Variants in PON3 observed in about 807,000 individuals in gnomAD.
PON3 encodes serum paraoxonase/lactonase 3.
PON3 carries 37 observed loss-of-function variants against 36.3 expected under a neutral mutation model. That is an observed-to-expected ratio of 1.02 (90% CI 0.78 to 1.34). PON3 has a LOEUF of 1.34. Ranked by LOEUF, PON3 falls within the 40% of genes most tolerant of loss-of-function variation. The pLI is 0.00. For synonymous variants in PON3, 155 were observed against 154.8 expected (o/e 1.00, Z -0.01); for missense variants, 415 against 426.5 (o/e 0.97, Z 0.24).
chr7:95,365,673 T>C (rs1040351920), intron 5 of PON3: 1 of 152,166 alleles, frequency 6.6e-6, no homozygotes, highest in Non-Finnish European at 1.5e-5. Flanking sequence ...ACACCAGAAA[T>C]GTATTGCCTC....
At position 95,390,102 on chromosome 7, in the gene PON3, C is replaced by G. The variant is rs957880104; in HGVS notation, c.201+52G>C. ...AGCTCCAGAGGACAACATTAATGCA[C>G]TGTCTATACAGCTATTGATGTGAGC... On this transcript the variant is annotated intron_variant, in intron 3 of 8. Transcript: ENST00000265627. The G allele has an allele frequency of 2.0e-6, 3 of 1,511,006 alleles. No individual in the cohort carries two copies. The Admixed American group carries it at 5.0e-5, about 25-fold the overall frequency. 93.6% of individuals were successfully genotyped at this position (1,511,006 alleles called of 1,614,324 possible). A position where few individuals can be genotyped will look rare whatever the true frequency, so the allele number is the denominator to read the frequency against.
At chr7:95,362,524 C>A (rs1157123773) in intron 7 of PON3, 34 bp from the exon 8 acceptor site, 3 of 1,612,654 alleles carry the variant, frequency 1.9e-6, no homozygotes, top group African/African-American at 2.7e-5. Context: ...AAGACATTGT[C>A]TCAATGATTC....
rs530566162 is a variant in PON3 at position 95,383,116 on chromosome 7, A to C, written c.201+7038T>G. Among the ~76,000 whole-genome samples, 158 of 152,328 alleles carry C rather than the reference A, an allele frequency of 1.0e-3. 10 individuals are homozygous for C. In the South Asian group the frequency reaches 0.032, roughly 31 times the overall value. ...AAGATAAAAACCACATGATTATCTC[A>C]CTAGATGCAGAAAAGGCCTTCGACA... On this transcript the variant is annotated intron_variant, in intron 3 of 8. Coordinates refer to ENST00000265627, the MANE Select transcript of PON3 (RefSeq NM_000940.3).
At chr7:95,372,742 C>T (rs1389237128) in intron 3 of PON3, among the ~76,000 whole-genome samples, 1 of 152,072 alleles carries the variant, frequency 6.6e-6, no homozygotes, top group Non-Finnish European at 1.5e-5. Context: ...CTATAACTAA[C>T]CTTCCTCAAA....
At chr7:95,380,331 A>T (rs942734082) in intron 3 of PON3, among the ~76,000 whole-genome samples, 1 of 152,238 alleles carries the variant, frequency 6.6e-6, no homozygotes, top group Non-Finnish European at 1.5e-5. Flanking sequence ...CCTCACCAGC[A>T]ATGGAACAAA....
At chr7:95,393,954 C>T (rs923524578) in intron 2 of PON3, among the ~76,000 whole-genome samples, 4 of 151,942 alleles carry the variant, frequency 2.6e-5, no homozygotes, top group Admixed American at 6.6e-5. Flanking sequence ...AGTACAGTGG[C>T]GCGATCTCAG....
At chr7:95,361,024 G>A (rs7778771) in intron 8 of PON3, among the ~76,000 whole-genome samples, 4,250 of 152,106 alleles carry the variant, frequency 0.028, 113 homozygotes, top group African/African-American at 0.068. Flanking sequence ...ATAGAGATAC[G>A]AAAAAGATCC....
intron 3 of PON3, among the ~76,000 whole-genome samples, chr7:95,388,229 T>G (rs1349343730): frequency 6.6e-6 from 1 of 151,970 alleles, no homozygotes; most frequent in East Asian, 1.9e-4. Context: ...ACAAGGAACT[T>G]AAACAAATTT....
Position 95,363,882 on chromosome 7 carries a change from T to C in PON3, c.676A>G (p.Thr226Ala), listed in dbSNP as rs751009929. 3.1e-6 allele frequency: 5 copies of C among 1,613,626 alleles called. No homozygotes were observed. Among genetic ancestry groups the C allele is most frequent in the Admixed American group, 1.7e-5 (1 of 60,006 alleles). Reference sequence around the variant, plus strand: ...GCTTACTTCTGGTCTGCTGAGACTGTGATCCCATTGGCACTACAAAATCCT... The same window carrying C: ...GCTTACTTCTGGTCTGCTGAGACTGCGATCCCATTGGCACTACAAAATCCT... The part of the protein sequence containing the change: ...AKGFCSANGI[T>A]VSADQKYVYV... The change falls in exon 6 of 9, where the codon ACA (threonine) becomes GCA (alanine). Residue 226 changes from threonine to alanine, a missense_variant. Coordinates refer to ENST00000265627, the MANE Select transcript of PON3 (RefSeq NM_000940.3).
chr7:95,376,896 T>A (rs17879129), intron 3 of PON3, among the ~76,000 whole-genome samples: 4,249 of 152,296 alleles, frequency 0.028, 115 homozygotes, highest in African/African-American at 0.068. Flanking sequence ...TGGGACTGGT[T>A]GGACAGTGGG....
chr7:95,381,640 C>G (rs964279723), intron 3 of PON3, among the ~76,000 whole-genome samples: 1 of 152,136 alleles, frequency 6.6e-6, no homozygotes. Flanking sequence ...ATCAATTCAA[C>G]GAGAAGAGCT....
At chr7:95,395,082 C>G (rs369030801) in intron 1 of PON3, among the ~76,000 whole-genome samples, 75 of 152,332 alleles carry the variant, frequency 4.9e-4, no homozygotes, top group African/African-American at 1.7e-3. Context: ...TAAATCTGCA[C>G]TTAATCCCCT....
chr7:95,370,819 C>T (rs1409554911), intron 4 of PON3, among the ~76,000 whole-genome samples: 1 of 152,198 alleles, frequency 6.6e-6, no homozygotes, highest in Non-Finnish European at 1.5e-5. Flanking sequence ...AATTCACACA[C>T]CACTGAATTC....
chr7:95,364,211 G>GA (rs1808642070), intron 5 of PON3, 148 bp from the exon 6 acceptor site: 4 of 692,290 alleles, frequency 5.8e-6, no homozygotes, highest in Non-Finnish European at 1.0e-5. Flanking sequence ...GAATTCCACA[G>GA]AAAATCATGA....
chr7:95,378,255 G>T (rs1034233158), intron 3 of PON3, among the ~76,000 whole-genome samples: 1 of 152,200 alleles, frequency 6.6e-6, no homozygotes, highest in African/African-American at 2.4e-5. Context: ...GGGACTCTGT[G>T]AAAAGACCAA....
At chr7:95,381,876 C>G (rs1809063001) in intron 3 of PON3, among the ~76,000 whole-genome samples, 1 of 152,190 alleles carries the variant, frequency 6.6e-6, no homozygotes, top group Non-Finnish European at 1.5e-5. Flanking sequence ...ACAGAACTCT[C>G]CACCCAAATT....
At chr7:95,366,403 T>A (rs1808694391) in intron 5 of PON3, among the ~76,000 whole-genome samples, 1 of 152,190 alleles carries the variant, frequency 6.6e-6, no homozygotes, top group Admixed American at 6.5e-5. Context: ...TAACTTCAAC[T>A]TCTCTTACTT....
intron 3 of PON3, 137 bp from the exon 4 acceptor site, chr7:95,372,475 G>A: frequency 1.1e-6 from 1 of 952,280 alleles, no homozygotes; most frequent in Middle Eastern, 3.3e-4. Context: ...TTTTCACTCT[G>A]TCAGCTGTTT....
At chr7:95,371,759 A>G (rs1411975287) in intron 4 of PON3, among the ~76,000 whole-genome samples, 2 of 152,028 alleles carry the variant, frequency 1.3e-5, no homozygotes, top group Admixed American at 6.6e-5. Flanking sequence ...CACTTTCTTG[A>G]TGGTGTCTTT....
Sources: gnomAD v4.1 joint callset for allele counts (sites outside exome capture counted in the v4.1 genomes callset) on GRCh38, gnomAD v4.1.1 for gene constraint, MANE v1.5 for transcripts, NCBI Gene and HGNC (gene_info 2026-07-23, HGNC 2026-07-21) for gene names.